The following NUBPL variants were observed in gnomAD, a reference collection of about 807,000 sequenced individuals.
NUBPL encodes the protein iron-sulfur cluster transfer protein NUBPL.
Under a neutral mutation model 45.7 loss-of-function variants are expected in NUBPL, and 31 were observed. The ratio of observed to expected loss-of-function variants is 0.68; its 90% confidence interval spans 0.51 to 0.92. NUBPL has a LOEUF of 0.92. NUBPL is among the 40% of genes least tolerant of loss of function. The probability of loss-of-function intolerance (pLI) is 0.00; values close to 1 mark genes in which losing one functional copy is unlikely to be tolerated. For missense variants in NUBPL, 401 were observed against 398.7 expected, an observed-to-expected ratio of 1.01 and a Z score of -0.05; for synonymous variants, 144 against 140.9, an observed-to-expected ratio of 1.02 and a Z score of -0.15.
At chr14:31,700,900 G>A (rs187997951) in intron 6 of NUBPL, among the ~76,000 whole-genome samples, 7 of 151,174 alleles carry the variant, frequency 4.6e-5, no homozygotes, top group Admixed American at 2.6e-4. Context: ...CAGGGCTCCC[G>A]GTCCCATCGA....
intron 6 of NUBPL, among the ~76,000 whole-genome samples, chr14:31,709,824 C>T (rs144720762): frequency 0.011 from 1,710 of 152,182 alleles, 29 homozygotes; most frequent in African/African-American, 0.039. Flanking sequence ...GAGATTTCTT[C>T]GCATATTTCC....
intron 4 of NUBPL, among the ~76,000 whole-genome samples, chr14:31,670,659 A>C (rs2036549380): frequency 6.6e-6 from 1 of 152,188 alleles, no homozygotes; most frequent in South Asian, 2.1e-4. Context: ...ATATGGTGTA[A>C]GAAAGGGGTC....
chr14:31,669,474 A>G (rs2036518051), intron 4 of NUBPL, among the ~76,000 whole-genome samples: 1 of 150,198 alleles, frequency 6.7e-6, no homozygotes, highest in African/African-American at 2.5e-5. Flanking sequence ...TTTTTTTTAA[A>G]CTTTTATTTT....
At chr14:31,820,749 G>A (rs919766453) in intron 7 of NUBPL, among the ~76,000 whole-genome samples, 4 of 148,504 alleles carry the variant, frequency 2.7e-5, no homozygotes, top group African/African-American at 5.0e-5. Context: ...GCTTGAATCC[G>A]GGAGGTGGAG....
At chr14:31,850,730 C>T (rs1419785540) in intron 10 of NUBPL, among the ~76,000 whole-genome samples, 1 of 152,032 alleles carries the variant, frequency 6.6e-6, no homozygotes, top group Non-Finnish European at 1.5e-5. Context: ...AAGCAATCTT[C>T]GCATCTCACC....
intron 4 of NUBPL, among the ~76,000 whole-genome samples, chr14:31,643,198 T>C (rs2139706966): frequency 6.6e-6 from 1 of 152,302 alleles, no homozygotes; most frequent in Admixed American, 6.5e-5. Context: ...TATTGTTGAA[T>C]ACAAGTGGTG....
chr14:31,707,391 ATC>A (rs1264071379), intron 6 of NUBPL, among the ~76,000 whole-genome samples: 1 of 152,068 alleles, frequency 6.6e-6, no homozygotes, highest in African/African-American at 2.4e-5. Context: ...TACTACTTCC[ATC>A]TCTCTTTCTT....
At chr14:31,850,063 C>G in intron 9 of NUBPL, 56 bp from the exon 10 acceptor site, 1 of 1,297,696 alleles carries the variant, frequency 7.7e-7, no homozygotes, top group Admixed American at 1.7e-5. Context: ...TAGTGAGATT[C>G]AAAATGCCTA....
In NUBPL at chr14:31,701,275, C is replaced by A. The variant is rs143424788; in HGVS notation, c.513+27701C>A. ...GCTCATCTAGTGGGGACTTGGAGAA[C>A]TTTTATGTCTAGCTAGAGAATTGTA... On this transcript the variant is annotated intron_variant, in intron 6 of 10. Transcript: ENST00000281081. 5.5e-3 allele frequency among the ~76,000 whole-genome samples: 839 copies of A among 152,126 alleles called. 8 individuals are homozygous for A. Among genetic ancestry groups the A allele is most frequent in the African/African-American group, 0.019 (796 of 41,482 alleles).
intron 3 of NUBPL, among the ~76,000 whole-genome samples, chr14:31,587,189 G>C (rs1412931031): frequency 6.6e-6 from 1 of 152,110 alleles, no homozygotes; most frequent in Non-Finnish European, 1.5e-5. Context: ...AAGTTGCCCG[G>C]GTGGTTCTGA....
At chr14:31,786,906 A>G (rs2039295046) in intron 6 of NUBPL, among the ~76,000 whole-genome samples, 1 of 152,204 alleles carries the variant, frequency 6.6e-6, no homozygotes, top group South Asian at 2.1e-4. Context: ...TGTTGTTAGG[A>G]ACAGACTAGA....
chr14:31,602,935 T>G (rs1393408104), intron 4 of NUBPL, among the ~76,000 whole-genome samples: 2 of 152,176 alleles, frequency 1.3e-5, no homozygotes, highest in Non-Finnish European at 2.9e-5. Flanking sequence ...TTTAAATACC[T>G]CTTTAATGTT....
intron 4 of NUBPL, among the ~76,000 whole-genome samples, chr14:31,630,072 T>A (rs1046926460): frequency 6.6e-5 from 10 of 152,162 alleles, no homozygotes; most frequent in Non-Finnish European, 1.3e-4. Flanking sequence ...TCTCTATTAT[T>A]ACAAATAATG....
chr14:31,754,187 G>C (rs1207278583), intron 6 of NUBPL, among the ~76,000 whole-genome samples: 2 of 152,096 alleles, frequency 1.3e-5, no homozygotes, highest in Non-Finnish European at 2.9e-5. Flanking sequence ...AGAAGTATTT[G>C]AACTGACAAG....
At chr14:31,605,598 T>C (rs572750246) in intron 4 of NUBPL, among the ~76,000 whole-genome samples, 10 of 152,324 alleles carry the variant, frequency 6.6e-5, no homozygotes, top group African/African-American at 1.2e-4. Flanking sequence ...TAGGAATTAA[T>C]GTGTATGTAG....
At chr14:31,768,631 C>G (rs2038955390) in intron 6 of NUBPL, among the ~76,000 whole-genome samples, 1 of 152,190 alleles carries the variant, frequency 6.6e-6, no homozygotes, top group African/African-American at 2.4e-5. Flanking sequence ...CTCTGCAGAG[C>G]TCTTTACCTG....
intron 6 of NUBPL, among the ~76,000 whole-genome samples, chr14:31,698,463 TC>T (rs977293428): frequency 2.6e-5 from 4 of 152,058 alleles, no homozygotes; most frequent in African/African-American, 4.8e-5. Flanking sequence ...GACTTTATTT[TC>T]CCCCCATCAC....
rs140128328 is a variant in NUBPL, at chr14:31,677,056, G to C, written c.513+3482G>C. On this transcript the variant is annotated intron_variant, in intron 6 of 10. Coordinates refer to ENST00000281081, the MANE Select transcript of NUBPL (RefSeq NM_025152.3). ...AATTCTTAATTTAAAAATTTTATGG[G>C]TATATAGTAGATTAGTATATTTATG... Among the ~76,000 whole-genome samples, 6 of 151,516 alleles carry C rather than the reference G, an allele frequency of 4.0e-5. 1 individual carries two copies. The highest frequency in any genetic ancestry group is 8.8e-5 in the Non-Finnish European group (6 of 67,954).
At chr14:31,718,690 G>GT (rs1162479788) in intron 6 of NUBPL, among the ~76,000 whole-genome samples, 1 of 152,066 alleles carries the variant, frequency 6.6e-6, no homozygotes, top group Non-Finnish European at 1.5e-5. Context: ...ATATACCTTT[G>GT]TGTCAGGCTT....
Sources: gnomAD v4.1 joint callset for allele counts (sites outside exome capture counted in the v4.1 genomes callset) on GRCh38, gnomAD v4.1.1 for gene constraint, MANE v1.5 for transcripts, NCBI Gene and HGNC (gene_info 2026-07-23, HGNC 2026-07-21) for gene names.